The following CPA6 variants were observed in gnomAD, a reference collection of about 807,000 sequenced individuals.
The protein encoded by CPA6 is carboxypeptidase B.
A neutral mutation model predicts 63.3 loss-of-function variants in CPA6; 58 were observed. The ratio of observed to expected loss-of-function variants is 0.92; its 90% CI spans 0.74 to 1.14. The LOEUF (loss-of-function observed/expected upper bound fraction) is 1.14, where lower values mean the gene tolerates loss of function less well. Among genes scored for constraint, CPA6 ranks in the 50% most tolerant of loss-of-function variants. The pLI is 0.00. For missense variants in CPA6, 565 were observed against 526.6 expected, an observed-to-expected ratio of 1.07 and a Z score of -0.71; for synonymous variants, 185 against 179.0, an observed-to-expected ratio of 1.03 and a Z score of -0.27.
chr8:67,434,238 C>T lies in CPA6; in HGVS notation c.841G>A (p.Glu281Lys). The change falls in exon 9 of 11, where the codon GAA becomes AAA. Residue 281 changes from glutamate to lysine, a missense_variant and splice_region_variant. Coordinates refer to ENST00000297770, the MANE Select transcript of CPA6 (RefSeq NM_020361.5). ...TCACAAGGGTGCATAGAAGCTCCTT[C>T]ATCTGCAAGTCAGAAAAGAAAATGG... ...NRNWKVKWCD[E>K]GASMHPCDDT... is the part of the protein sequence containing the mutation. 2 of 1,613,366 alleles carry T rather than the reference C, an allele frequency of 1.2e-6. No homozygotes were observed. Among genetic ancestry groups the T allele is most frequent in the Non-Finnish European group, 1.7e-6 (2 of 1,179,472 alleles).
chr8:67,441,225 T>C (rs1469444894), intron 8 of CPA6, among the ~76,000 whole-genome samples: 3 of 152,204 alleles, frequency 2.0e-5, no homozygotes, highest in African/African-American at 7.2e-5. Context: ...ATATTACTTA[T>C]AAGGATGTGC....
Position 67,517,912 on chromosome 8 carries a change from G to A in CPA6, c.317+11C>T. 1.9e-6 allele frequency: 3 copies of A among 1,594,946 alleles called. No homozygotes were observed. In the South Asian group the frequency reaches 3.4e-5, roughly 18 times the overall value. Reference sequence around the variant, plus strand: ...CAATAAATTTTATAGCAAGTGAAAAGGAATGCTTACTTGTACTGGATGTTG... The same window carrying A: ...CAATAAATTTTATAGCAAGTGAAAAAGAATGCTTACTTGTACTGGATGTTG... On this transcript the variant is annotated intron_variant, in intron 3 of 10. Transcript: ENST00000297770.
chr8:67,504,947 G>A (rs537373276), intron 6 of CPA6, among the ~76,000 whole-genome samples: 2 of 152,306 alleles, frequency 1.3e-5, no homozygotes, highest in East Asian at 3.9e-4. Flanking sequence ...CGGTGGAAAT[G>A]GAGCCTAATC....
intron 2 of CPA6, among the ~76,000 whole-genome samples, chr8:67,587,170 T>C (rs1007709507): frequency 6.6e-6 from 1 of 152,216 alleles, no homozygotes; most frequent in Non-Finnish European, 1.5e-5. Flanking sequence ...AAGGGGGCCT[T>C]GAAATATTCT....
chr8:67,681,494 C>T (rs924790347), intron 1 of CPA6, among the ~76,000 whole-genome samples: 14 of 152,150 alleles, frequency 9.2e-5, no homozygotes, highest in Admixed American at 7.8e-4. Flanking sequence ...CAGGCGTGAG[C>T]CACCGCGCCC....
chr8:67,532,095 G>C (rs531169058), intron 2 of CPA6, among the ~76,000 whole-genome samples: 1 of 151,530 alleles, frequency 6.6e-6, no homozygotes, highest in South Asian at 2.1e-4. Context: ...ATTAGAAAAA[G>C]AACAACTACA....
At chr8:67,527,026 G>A (rs536829736) in intron 2 of CPA6, among the ~76,000 whole-genome samples, 9 of 152,240 alleles carry the variant, frequency 5.9e-5, no homozygotes, top group East Asian at 1.9e-4. Flanking sequence ...GCCTGGCTCC[G>A]AGGTAGAATG....
At chr8:67,433,965 A>T in intron 9 of CPA6, 73 bp downstream of exon 9, 1 of 967,114 alleles carries the variant, frequency 1.0e-6, no homozygotes, top group Non-Finnish European at 1.7e-6. Flanking sequence ...CATTATCATT[A>T]GTACTTAGAA....
At chr8:67,531,586 A>G (rs1812479132) in intron 2 of CPA6, among the ~76,000 whole-genome samples, 2 of 152,150 alleles carry the variant, frequency 1.3e-5, no homozygotes, top group South Asian at 2.1e-4. Flanking sequence ...TCCTATGTAC[A>G]TTTATATACA....
At chr8:67,626,340 A>G (rs1587647797) in intron 1 of CPA6, among the ~76,000 whole-genome samples, 2 of 152,078 alleles carry the variant, frequency 1.3e-5, no homozygotes, top group South Asian at 4.1e-4. Flanking sequence ...TTTATTTCCA[A>G]TCATGATAGT....
chr8:67,482,715 A>G (rs1459662640), intron 8 of CPA6, among the ~76,000 whole-genome samples: 1 of 152,208 alleles, frequency 6.6e-6, no homozygotes, highest in Non-Finnish European at 1.5e-5. Flanking sequence ...TTTAGTCCCT[A>G]TAAGAACCTC....
At chr8:67,439,087 G>A (rs1810229271) in intron 8 of CPA6, among the ~76,000 whole-genome samples, 1 of 151,854 alleles carries the variant, frequency 6.6e-6, no homozygotes, top group Non-Finnish European at 1.5e-5. Flanking sequence ...TTGAGGCCAG[G>A]AGTTTGAGAC....
chr8:67,691,788 T>C (rs539501018), intron 1 of CPA6, among the ~76,000 whole-genome samples: 1 of 152,310 alleles, frequency 6.6e-6, no homozygotes, highest in Non-Finnish European at 1.5e-5. Flanking sequence ...AATTGGCTTT[T>C]AGTAAAAATA....
intron 1 of CPA6, among the ~76,000 whole-genome samples, chr8:67,738,709 T>C (rs1430024150): frequency 1.3e-5 from 2 of 152,180 alleles, no homozygotes; most frequent in African/African-American, 4.8e-5. Flanking sequence ...AAATAATCTT[T>C]TAGGAAATTT....
intron 8 of CPA6, among the ~76,000 whole-genome samples, chr8:67,475,867 C>T (rs1489753754): frequency 3.6e-5 from 3 of 83,248 alleles, no homozygotes; most frequent in African/African-American, 1.0e-4. Flanking sequence ...TTCTTTCTTT[C>T]TTTCTTTCTT....
In CPA6 at chr8:67,483,770, C is replaced by T; in HGVS notation, c.836G>A (p.Cys279Tyr). ...DANRNWKVKW[C>Y]DEGASMHPCD... ...ATCCCAGTTGGTCCCAAACTTACCA[C>T]ACCACTTCACTTTCCAGTTTCTATT... Residue 279 changes from cysteine to tyrosine, a missense_variant and splice_region_variant, in exon 8 of 11, where the codon TGT (cysteine) becomes TAT (tyrosine). Physicochemically the swap from Cys to Tyr is radical, Grantham distance 194 (BLOSUM62 -2). Transcript: ENST00000297770. 2 of 1,613,814 alleles carry T rather than the reference C, an allele frequency of 1.2e-6. No individual in the cohort carries two copies. Among genetic ancestry groups the T allele is most frequent in the Non-Finnish European group, 1.7e-6 (2 of 1,179,684 alleles).
At chr8:67,672,949 C>T (rs1462261658) in intron 1 of CPA6, among the ~76,000 whole-genome samples, 1 of 151,820 alleles carries the variant, frequency 6.6e-6, no homozygotes, top group African/African-American at 2.4e-5. Context: ...AAGTGAGTTT[C>T]AAAACTTACG....
intron 1 of CPA6, among the ~76,000 whole-genome samples, chr8:67,715,212 G>C (rs1817352673): frequency 6.6e-6 from 1 of 152,144 alleles, no homozygotes; most frequent in Non-Finnish European, 1.5e-5. Context: ...CACAGGTTAA[G>C]GGCTCAGCCA....
intron 8 of CPA6, among the ~76,000 whole-genome samples, chr8:67,460,315 T>C (rs1342586739): frequency 2.0e-5 from 3 of 152,236 alleles, no homozygotes; most frequent in Non-Finnish European, 4.4e-5. Context: ...ATTCCATTTG[T>C]GTTTTACATT....
Sources: allele counts gnomAD v4.1 joint callset (sites outside exome capture counted in the v4.1 genomes callset), GRCh38; gene constraint gnomAD v4.1.1; transcripts MANE v1.5; gene names NCBI Gene and HGNC (gene_info 2026-07-23, HGNC 2026-07-21).